PIK3C3: variants seen among roughly 807,000 people sequenced by gnomAD.
PIK3C3 encodes the protein PI3-kinase type 3.
In PIK3C3, 95 loss-of-function variants were observed where a neutral mutation model predicts 126.1. That is an observed-to-expected ratio of 0.75 (90% CI 0.64 to 0.89). The LOEUF (loss-of-function observed/expected upper bound fraction) is 0.89, where lower values mean the gene tolerates loss of function less well. PIK3C3 is among the 40% of genes least tolerant of loss of function. PIK3C3 has a pLI of 0.00. For synonymous variants in PIK3C3, 374 were observed against 360.0 expected (o/e 1.04, Z -0.44); for missense variants, 829 against 1,063.2 (o/e 0.78, Z 3.06).
At position 41,960,489 on chromosome 18, in the gene PIK3C3, T is replaced by G. The variant is rs545113065; in HGVS notation, c.258-2000T>G. Among the ~76,000 whole-genome samples, 347 of 152,264 alleles carry G rather than the reference T, an allele frequency of 2.3e-3. 1 individual carries two copies. Among genetic ancestry groups the G allele is most frequent in the African/African-American group, 8.0e-3 (334 of 41,552 alleles). On this transcript the variant is annotated intron_variant, in intron 2 of 24. Coordinates refer to ENST00000262039, the MANE Select transcript of PIK3C3 (RefSeq NM_002647.4). ...CGAGTGCTAGCACAATGGTATGCGG[T>G]GATGGCGGTACCTGGTGGGGATTGG...
At chr18:42,039,857 A>C (rs1984226061) in intron 18 of PIK3C3, among the ~76,000 whole-genome samples, 1 of 152,192 alleles carries the variant, frequency 6.6e-6, no homozygotes, top group Non-Finnish European at 1.5e-5. Flanking sequence ...ATTTCTTCCG[A>C]CATGGTCAAG....
chr18:41,990,952 A>G (rs954257147), intron 6 of PIK3C3, among the ~76,000 whole-genome samples: 1 of 152,168 alleles, frequency 6.6e-6, no homozygotes, highest in East Asian at 1.9e-4. Flanking sequence ...ATTTGAGTGT[A>G]TGTGTAATGT....
chr18:42,081,121 A>T lies in PIK3C3; in HGVS notation c.2650-2A>T. ...CTGTTTATTTCTTTTTAATTTTTGT[A>T]GTACTGGAGAAAATGAAACTGGGAT... On this transcript the variant is annotated splice_acceptor_variant, in intron 24 of 24. Coordinates refer to ENST00000262039, the MANE Select transcript of PIK3C3 (RefSeq NM_002647.4). LOFTEE classifies it high-confidence loss of function. 6.5e-7 allele frequency: 1 copy of T among 1,537,582 alleles called. No homozygotes were observed. The highest frequency in any genetic ancestry group is 8.9e-7 in the Non-Finnish European group (1 of 1,117,846).
chr18:42,065,502 G>A (rs550338474), intron 23 of PIK3C3, among the ~76,000 whole-genome samples: 2 of 152,310 alleles, frequency 1.3e-5, no homozygotes, highest in African/African-American at 4.8e-5. Flanking sequence ...TTGAGTTATG[G>A]CATTAGAAGT....
In PIK3C3 at chr18:42,038,429, C is replaced by G. The variant is rs375359600; in HGVS notation, c.1969-352C>G. On this transcript the variant is annotated intron_variant, in intron 17 of 24. Transcript: ENST00000262039. The stretch of plus-strand genomic sequence containing the variant: ...CGATCTTGGCTCACTGCAACCTCTG[C>G]CCCCTGGGTTCAAGCAATTCTCCTG... 1.5e-3 allele frequency among the ~76,000 whole-genome samples: 224 copies of G among 152,068 alleles called. 9 individuals are homozygous for G. In the South Asian group the frequency reaches 0.044, roughly 30 times the overall value.
intron 20 of PIK3C3, among the ~76,000 whole-genome samples, chr18:42,048,068 A>G (rs1403597530): frequency 6.6e-6 from 1 of 152,200 alleles, no homozygotes; most frequent in Non-Finnish European, 1.5e-5. Flanking sequence ...ATCAGGCTGT[A>G]GTTTATTCTC....
intron 21 of PIK3C3, among the ~76,000 whole-genome samples, chr18:42,054,532 G>T (rs1984973887): frequency 6.6e-6 from 1 of 152,000 alleles, no homozygotes; most frequent in Non-Finnish European, 1.5e-5. Context: ...TCAATACTTT[G>T]TATCCTTCAA....
intron 13 of PIK3C3, among the ~76,000 whole-genome samples, chr18:42,023,873 C>G (rs572436865): frequency 1.3e-5 from 2 of 152,106 alleles, no homozygotes; most frequent in Non-Finnish European, 2.9e-5. Context: ...CATTTGTTCC[C>G]TTTCTGGTGA....
chr18:41,985,336 C>T (rs1981415685), intron 4 of PIK3C3, among the ~76,000 whole-genome samples: 1 of 152,218 alleles, frequency 6.6e-6, no homozygotes, highest in African/African-American at 2.4e-5. Context: ...ATCTAGGAGA[C>T]ATTTTGAGTG....
At chr18:42,078,882 A>G (rs1269613435) in intron 24 of PIK3C3, among the ~76,000 whole-genome samples, 4 of 152,132 alleles carry the variant, frequency 2.6e-5, no homozygotes, top group Admixed American at 6.5e-5. Context: ...CTCAGCCTTT[A>G]TAGAATTGAA....
intron 4 of PIK3C3, 33 bp from the exon 5 acceptor site, chr18:41,987,779 A>G (rs746363961): frequency 6.8e-7 from 1 of 1,464,142 alleles, no homozygotes; most frequent in East Asian, 2.3e-5. Flanking sequence ...CTAGATGTAT[A>G]TTAAAATTTT....
At chr18:41,976,381 G>A (rs1006269708) in intron 4 of PIK3C3, among the ~76,000 whole-genome samples, 3 of 151,440 alleles carry the variant, frequency 2.0e-5, no homozygotes, top group African/African-American at 7.3e-5. Flanking sequence ...AAAAAAAATT[G>A]TATTACTAAG....
intron 24 of PIK3C3, among the ~76,000 whole-genome samples, chr18:42,077,140 T>G (rs2144537294): frequency 6.6e-6 from 1 of 152,370 alleles, no homozygotes; most frequent in South Asian, 2.1e-4. Context: ...CTTTAAAAAC[T>G]ATGTGCCTAT....
intron 24 of PIK3C3, among the ~76,000 whole-genome samples, chr18:42,077,226 G>T (rs1986065690): frequency 6.6e-6 from 1 of 152,296 alleles, no homozygotes; most frequent in East Asian, 1.9e-4. Context: ...CTGGTGGAGG[G>T]TCTTGCCTTG....
intron 11 of PIK3C3, 33 bp downstream of exon 11, chr18:42,013,629 T>G (rs747849573): frequency 6.8e-7 from 1 of 1,462,804 alleles, no homozygotes; most frequent in African/African-American, 1.4e-5. Flanking sequence ...TATTTTCTAG[T>G]TTGTTAATTT....
At chr18:41,999,298 A>G (rs539650955) in intron 9 of PIK3C3, among the ~76,000 whole-genome samples, 2 of 152,212 alleles carry the variant, frequency 1.3e-5, no homozygotes, top group African/African-American at 2.4e-5. Context: ...AAAAACTGCA[A>G]TTACTTTTGC....
In PIK3C3 at chr18:42,082,774, TG is replaced by T. The variant is rs986469814; in HGVS notation, c.*1643del. The T allele has an allele frequency of 2.0e-5, 3 of 152,138 alleles. No homozygotes were observed. Among genetic ancestry groups the T allele is most frequent in the African/African-American group, 7.2e-5 (3 of 41,430 alleles). 9.4% of individuals were successfully genotyped at this position (152,138 alleles called of 1,614,324 possible). ...CTAAGAAAGTAAATATCTTCAGCTT[TG>T]GGGGGCATATGATCCCAATAGCATC... On this transcript the variant is annotated 3_prime_UTR_variant, in exon 25 of 25. Coordinates refer to ENST00000262039, the MANE Select transcript of PIK3C3 (RefSeq NM_002647.4).
intron 7 of PIK3C3, among the ~76,000 whole-genome samples, chr18:41,994,215 TAAAA>T (rs1568126798): frequency 6.6e-6 from 1 of 152,036 alleles, no homozygotes; most frequent in Non-Finnish European, 1.5e-5. Context: ...TATAAAAAGT[TAAAA>T]AGAAAAGGCC....
chr18:42,055,229 T>C lies in PIK3C3; in HGVS notation c.2264-2654T>C, dbSNP rs1157393916. Among the ~76,000 whole-genome samples, 11 of 152,272 alleles carry C rather than the reference T, an allele frequency of 7.2e-5. No homozygotes were observed. In the East Asian group the frequency reaches 2.1e-3, roughly 29 times the overall value. ...AAAAAAGAGCTTCGTACCTCCCCTC[T>C]CATGCTACTATGTGATCTCAGCACA... On this transcript the variant is annotated intron_variant, in intron 21 of 24. Transcript: ENST00000262039.
Sources: gnomAD v4.1 joint callset for allele counts (sites outside exome capture counted in the v4.1 genomes callset) on GRCh38, gnomAD v4.1.1 for gene constraint, MANE v1.5 for transcripts, NCBI Gene and HGNC (gene_info 2026-07-23, HGNC 2026-07-21) for gene names.